Variants in LRP2 observed in about 807,000 individuals in gnomAD.
LRP2 encodes the protein low-density lipoprotein receptor-related protein 2.
A neutral mutation model predicts 531.0 loss-of-function variants in LRP2; 172 were observed. The observed-to-expected ratio is 0.32, with a 90% CI of 0.29 to 0.37. The LOEUF (loss-of-function observed/expected upper bound fraction) is 0.37. LRP2 is among the 10% of genes least tolerant of loss of function. LRP2 has a pLI of 1.00. For missense variants in LRP2, 5,167 were observed against 5,868.3 expected (o/e 0.88, Z 3.90); for synonymous variants, 1,992 against 2,027.6 (o/e 0.98, Z 0.47).
At chr2:169,144,278 A>G (rs528277867) in intron 70 of LRP2, among the ~76,000 whole-genome samples, 1 of 152,256 alleles carries the variant, frequency 6.6e-6, no homozygotes, top group East Asian at 1.9e-4. Flanking sequence ...GGGGCCCACG[A>G]ATCTATATTT....
chr2:169,327,262 GT>G (rs1685103567), intron 1 of LRP2, among the ~76,000 whole-genome samples: 1 of 22,880 alleles, frequency 4.4e-5, no homozygotes, highest in Admixed American at 4.0e-4. Context: ...CGGGAGGGAG[GT>G]GGGGGGGTCA....
intron 3 of LRP2, among the ~76,000 whole-genome samples, chr2:169,312,074 T>C (rs1010966974): frequency 2.0e-5 from 3 of 152,152 alleles, no homozygotes; most frequent in Admixed American, 2.0e-4. Context: ...CCTCCATCCC[T>C]TTATTTTGAG....
intron 13 of LRP2, 63 bp downstream of exon 13, chr2:169,277,682 C>T (rs1683591578): frequency 1.4e-6 from 2 of 1,426,248 alleles, no homozygotes; most frequent in African/African-American, 1.4e-5. Flanking sequence ...TATTTCTCTG[C>T]AGCCATTTTA....
intron 24 of LRP2, among the ~76,000 whole-genome samples, chr2:169,241,878 A>C (rs1242594397): frequency 1.3e-5 from 2 of 152,226 alleles, no homozygotes; most frequent in African/African-American, 4.8e-5. Context: ...AGTTCTTTGC[A>C]AACTTTCCAC....
rs754232428 is a variant in LRP2, at chr2:169,204,011, T to A, written c.7976A>T (p.Asn2659Ile). The A allele has an allele frequency of 1.9e-6, 3 of 1,614,208 alleles. No individual in the cohort carries two copies. Among genetic ancestry groups the A allele is most frequent in the Non-Finnish European group, 8.5e-7 (1 of 1,180,020 alleles). ...TGCACAGATATGGCTGCAGCCCCCA[T>A]TAAACTGTTCACAAGGATTGTTACA... ...QQCNNPCEQF[N>I]GGCSHICAPG... Residue 2659 changes from asparagine (N) to isoleucine (I), a missense_variant, in exon 42 of 79, where the codon AAT becomes ATT. This residue lies in a region of LRP2 where 1,129 missense variants were observed against 1,362.7 expected (regional missense o/e 0.83). Transcript: ENST00000649046.
chr2:169,344,695 C>G (rs1574276531), intron 1 of LRP2, among the ~76,000 whole-genome samples: 1 of 152,174 alleles, frequency 6.6e-6, no homozygotes, highest in Non-Finnish European at 1.5e-5. Flanking sequence ...ATAAATAAAA[C>G]AAGACATTAA....
intron 44 of LRP2, among the ~76,000 whole-genome samples, chr2:169,200,924 G>A (rs1688183725): frequency 6.6e-6 from 1 of 152,192 alleles, no homozygotes. Context: ...TCCACTTAAA[G>A]TGGGGCAACA....
chr2:169,284,556 C>G (rs73037817), intron 9 of LRP2, among the ~76,000 whole-genome samples: 1 of 152,016 alleles, frequency 6.6e-6, no homozygotes, highest in East Asian at 1.9e-4. Flanking sequence ...CGTAAGCCAC[C>G]GCATCCAGCC....
Position 169,188,246 on chromosome 2 carries a change from A to C in LRP2, c.9052T>G (p.Cys3018Gly), listed in dbSNP as rs1315018003. 1 of 1,614,034 alleles carries C rather than the reference A, an allele frequency of 6.2e-7. No homozygotes were observed. ...CCCCTCTCGTCGCTATAGTCACCAC[A>C]GTCATTGTGCCGGTCACACCTGTAT... Reference protein sequence around the residue: ...KIFRCDRHNDCGDYSDERGCL... With the variant: ...KIFRCDRHNDGGDYSDERGCL... The change falls in exon 49 of 79, where the codon TGT becomes GGT. Residue 3018 changes from cysteine (C) to glycine (G), a missense_variant. Cys to Gly is a radical substitution (Grantham distance 159). Transcript: ENST00000649046.
intron 56 of LRP2, among the ~76,000 whole-genome samples, chr2:169,173,477 G>T (rs750014154): frequency 3.3e-5 from 5 of 152,120 alleles, no homozygotes; most frequent in Non-Finnish European, 5.9e-5. Flanking sequence ...GGAAGGACAG[G>T]GTTTGAAGTA....
chr2:169,310,993 G>T (rs1158310021), intron 3 of LRP2, among the ~76,000 whole-genome samples: 1 of 152,140 alleles, frequency 6.6e-6, no homozygotes, highest in Non-Finnish European at 1.5e-5. Flanking sequence ...TTGCATAGAG[G>T]TTTTTATAGT....
chr2:169,271,727 G>T, intron 15 of LRP2: 3 of 982,244 alleles, frequency 3.1e-6, no homozygotes, highest in Non-Finnish European at 3.6e-6. Context: ...TAGTAATTCC[G>T]TAACAATCCT....
rs144665535 is a variant in LRP2 at position 169,231,947 on chromosome 2, G to T, written c.5099-105C>A. ...CCTTCCAGAGGCCCCAGTACAGGGG[G>T]GCTTAAGTACGTTGTTACCTCTGTT... On this transcript the variant is annotated intron_variant, in intron 30 of 78. Transcript: ENST00000649046. 6.5e-4 allele frequency: 899 copies of T among 1,392,730 alleles called. 10 individuals carry two copies. The highest frequency in any genetic ancestry group is 6.3e-3 in the African/African-American group (436 of 69,534). 86.3% of individuals were successfully genotyped at this position (1,392,730 alleles called of 1,614,324 possible).
chr2:169,165,368 C>T (rs1436147801), intron 62 of LRP2, among the ~76,000 whole-genome samples: 3 of 152,180 alleles, frequency 2.0e-5, no homozygotes, highest in Non-Finnish European at 4.4e-5. Flanking sequence ...TATTTCAATG[C>T]CTCGATTGTT....
intron 62 of LRP2, among the ~76,000 whole-genome samples, 174 bp downstream of exon 62, chr2:169,165,758 T>A (rs1304465657): frequency 6.6e-6 from 1 of 152,200 alleles, no homozygotes; most frequent in Non-Finnish European, 1.5e-5. Context: ...ACAGGCAGGG[T>A]TACATGTAAG....
At chr2:169,213,908 T>G (rs1331122485) in intron 35 of LRP2, 38 bp from the exon 36 acceptor site, 1 of 1,470,958 alleles carries the variant, frequency 6.8e-7, no homozygotes, top group East Asian at 2.3e-5. Context: ...CATGGATTCA[T>G]AGTGAAAATT....
chr2:169,262,911 G>A (rs1379493351), intron 16 of LRP2, among the ~76,000 whole-genome samples: 5 of 152,036 alleles, frequency 3.3e-5, no homozygotes, highest in African/African-American at 4.8e-5. Context: ...TAGACCAATG[G>A]AACAGAACAG....
intron 72 of LRP2, 93 bp downstream of exon 72, chr2:169,140,362 G>A (rs1181490696): frequency 1.6e-5 from 15 of 941,784 alleles, no homozygotes; most frequent in East Asian, 2.5e-5. Flanking sequence ...GAACTGGTGA[G>A]GTTCCTGTAT....
At chr2:169,165,804 T>C (rs1187645596) in intron 62 of LRP2, 128 bp downstream of exon 62, 20 of 1,120,012 alleles carry the variant, frequency 1.8e-5, no homozygotes, top group African/African-American at 3.1e-5. Context: ...TAAACAATTA[T>C]GTCAGCAGAG....
Sources: allele counts gnomAD v4.1 joint callset (sites outside exome capture counted in the v4.1 genomes callset), GRCh38; gene constraint gnomAD v4.1.1; regional missense constraint gnomAD v4.1.1; transcripts MANE v1.5; gene names NCBI Gene and HGNC (gene_info 2026-07-23, HGNC 2026-07-21).